PAWR: variants seen among roughly 807,000 people sequenced by gnomAD.
PAWR encodes the protein PRKC apoptosis WT1 regulator protein.
Under a neutral mutation model 32.0 loss-of-function variants are expected in PAWR, and 23 were observed. The observed-to-expected ratio is 0.72, with a 90% CI of 0.52 to 1.02. PAWR has a LOEUF of 1.02. Ranked by LOEUF, PAWR falls within the 50% of genes least tolerant of loss-of-function variation. The pLI is 0.00. For synonymous variants in PAWR, 226 were observed against 187.1 expected, an observed-to-expected ratio of 1.21 and a Z score of -1.70; for missense variants, 457 against 437.7, an observed-to-expected ratio of 1.04 and a Z score of -0.39.
intron 2 of PAWR, among the ~76,000 whole-genome samples, chr12:79,686,798 A>G (rs1430883486): frequency 6.6e-6 from 1 of 152,190 alleles, no homozygotes; most frequent in Non-Finnish European, 1.5e-5. Context: ...CCTTTTAAAC[A>G]CACACTATTT....
At chr12:79,659,113 C>T (rs533532309) in intron 2 of PAWR, among the ~76,000 whole-genome samples, 2 of 152,120 alleles carry the variant, frequency 1.3e-5, no homozygotes, top group South Asian at 2.1e-4. Context: ...CTGGCTAACA[C>T]GGTGAAACCC....
chr12:79,642,062 A>C (rs1464424794), intron 2 of PAWR, among the ~76,000 whole-genome samples: 1 of 152,096 alleles, frequency 6.6e-6, no homozygotes, highest in African/African-American at 2.4e-5. Context: ...CTGAGAAATG[A>C]AACTCTGCCA....
intron 2 of PAWR, among the ~76,000 whole-genome samples, chr12:79,657,328 T>C (rs750643215): frequency 6.6e-6 from 1 of 152,114 alleles, no homozygotes; most frequent in Non-Finnish European, 1.5e-5. Flanking sequence ...ATTCAATACC[T>C]TGAGTGTGGT....
chr12:79,665,199 T>G (rs1311541881), intron 2 of PAWR, among the ~76,000 whole-genome samples: 1 of 152,216 alleles, frequency 6.6e-6, no homozygotes, highest in Non-Finnish European at 1.5e-5. Context: ...TTCCATTTAC[T>G]TTTCTTATAG....
At chr12:79,625,698 T>A (rs1168421122) in intron 2 of PAWR, among the ~76,000 whole-genome samples, 2 of 152,054 alleles carry the variant, frequency 1.3e-5, no homozygotes, top group African/African-American at 4.8e-5. Flanking sequence ...TGGGCACCTG[T>A]AGTCCCAGCT....
chr12:79,623,634 CTT>C (rs10548125), intron 2 of PAWR, among the ~76,000 whole-genome samples: 29,789 of 151,678 alleles, frequency 0.2, 7,735 homozygotes, highest in African/African-American at 0.6. Flanking sequence ...AGCTATAAGA[CTT>C]TACTGAAGAA....
At chr12:79,610,329 T>C (rs1385720476) in intron 4 of PAWR, among the ~76,000 whole-genome samples, 2 of 152,116 alleles carry the variant, frequency 1.3e-5, no homozygotes, top group Non-Finnish European at 2.9e-5. Context: ...AAGGTAAAAT[T>C]TGAGTTAGGG....
rs140075935 is a variant in PAWR at position 79,615,662 on chromosome 12, C to T, written c.649-2053G>A. ...TGTACCAAACACGTAAAACAGATCC[C>T]CTATTTATTTAGATGGTTATTTAAT... is the stretch of plus-strand genomic sequence containing the variant. On this transcript the variant is annotated intron_variant, in intron 3 of 6. Coordinates refer to ENST00000328827, the MANE Select transcript of PAWR (RefSeq NM_002583.4). Among the ~76,000 whole-genome samples, 739 of 152,212 alleles carry T rather than the reference C, an allele frequency of 4.9e-3. 7 individuals carry two copies. The highest frequency in any genetic ancestry group is 0.017 in the African/African-American group (702 of 41,532).
At chr12:79,613,954 TATATATATATATATATATATA>T (rs1874575648) in intron 3 of PAWR, among the ~76,000 whole-genome samples, 1 of 6,614 alleles carries the variant, frequency 1.5e-4, no homozygotes, top group African/African-American at 8.2e-4. Context: ...TATATATATA[TATATATATATATATATATATA>T]TATATTTTTT....
At chr12:79,672,743 T>C (rs1054970184) in intron 2 of PAWR, among the ~76,000 whole-genome samples, 3 of 151,990 alleles carry the variant, frequency 2.0e-5, no homozygotes, top group African/African-American at 7.3e-5. Context: ...AAAAAGATTC[T>C]AATTTTTTTC....
At chr12:79,674,853 A>G (rs533500733) in intron 2 of PAWR, among the ~76,000 whole-genome samples, 1 of 152,308 alleles carries the variant, frequency 6.6e-6, no homozygotes, top group African/African-American at 2.4e-5. Flanking sequence ...TAAAACCACA[A>G]TAAGATACCA....
chr12:79,610,899 A>C (rs1342962299), intron 4 of PAWR, among the ~76,000 whole-genome samples: 1 of 151,592 alleles, frequency 6.6e-6, no homozygotes, highest in African/African-American at 2.4e-5. Flanking sequence ...CCTACAGTTA[A>C]ACACATTTTT....
chr12:79,629,470 C>G (rs1875501126), intron 2 of PAWR, among the ~76,000 whole-genome samples: 3 of 151,950 alleles, frequency 2.0e-5, no homozygotes, highest in Admixed American at 2.0e-4. Context: ...AATAAAGGAG[C>G]TTCAGATCAA....
At chr12:79,626,305 G>T (rs1239719285) in intron 2 of PAWR, among the ~76,000 whole-genome samples, 3 of 149,666 alleles carry the variant, frequency 2.0e-5, no homozygotes, top group Admixed American at 6.7e-5. Context: ...TGTCGCCCAG[G>T]CTGGAGTGCA....
intron 2 of PAWR, among the ~76,000 whole-genome samples, chr12:79,648,210 A>C (rs1167989208): frequency 2.0e-5 from 3 of 152,174 alleles, no homozygotes; most frequent in African/African-American, 7.2e-5. Context: ...AAAATGACTA[A>C]AGATGACTGC....
intron 3 of PAWR, among the ~76,000 whole-genome samples, chr12:79,619,380 A>G (rs2136712084): frequency 6.6e-6 from 1 of 152,344 alleles, no homozygotes; most frequent in East Asian, 1.9e-4. Context: ...GCCAAAGAGA[A>G]GCTGTAAAGT....
chr12:79,653,764 C>A (rs918125294), intron 2 of PAWR, among the ~76,000 whole-genome samples: 3 of 152,248 alleles, frequency 2.0e-5, no homozygotes, highest in African/African-American at 7.2e-5. Context: ...CAGGCGTGAG[C>A]CACTGCACCT....
rs1486002996 is a variant in PAWR, at chr12:79,588,781, T to A, written c.*3826A>T. 1 of 152,020 alleles carries A rather than the reference T, an allele frequency of 6.6e-6. No homozygotes were observed. Among genetic ancestry groups the A allele is most frequent in the Non-Finnish European group, 1.5e-5 (1 of 67,880 alleles). The allele number at this position is 152,020 out of a possible 1,614,324, so 9.4% of individuals were successfully genotyped here. A position where few individuals can be genotyped will look rare whatever the true frequency, so the allele number is the denominator to read the frequency against. On this transcript the variant is annotated 3_prime_UTR_variant, in exon 7 of 7. Coordinates refer to ENST00000328827, the MANE Select transcript of PAWR (RefSeq NM_002583.4). The stretch of plus-strand genomic sequence containing the variant: ...TGGGGATAAGGATATGACTTTAACA[T>A]GCTATGAGATTCTAGCTAAGTAAAA...
At chr12:79,645,067 CAA>C (rs1555175778) in intron 2 of PAWR, among the ~76,000 whole-genome samples, 1 of 151,298 alleles carries the variant, frequency 6.6e-6, no homozygotes. Flanking sequence ...CACACACACA[CAA>C]AAATCAATGT....
Sources: allele counts gnomAD v4.1 joint callset (sites outside exome capture counted in the v4.1 genomes callset), GRCh38; gene constraint gnomAD v4.1.1; transcripts MANE v1.5; gene names NCBI Gene and HGNC (gene_info 2026-07-23, HGNC 2026-07-21).